The following ULK4 variants were observed in gnomAD, a reference collection of about 807,000 sequenced individuals.
ULK4 encodes inactive serine/threonine-protein kinase ULK4.
ULK4 carries 133 observed loss-of-function variants against 160.6 expected under a neutral mutation model. The observed-to-expected ratio is 0.83, with a 90% confidence interval of 0.72 to 0.96. ULK4 has a LOEUF of 0.96. Among genes scored for constraint, ULK4 ranks in the 40% least tolerant of loss-of-function variants. The pLI, the probability that ULK4 is intolerant of heterozygous loss-of-function variation, is 0.00. For missense variants in ULK4, 1,580 were observed against 1,499.5 expected (o/e 1.05, Z -0.89); for synonymous variants, 534 against 539.8 (o/e 0.99, Z 0.15).
At chr3:41,779,633 C>T (rs1232321027) in intron 21 of ULK4, among the ~76,000 whole-genome samples, 7 of 7,438 alleles carry the variant, frequency 9.4e-4, no homozygotes, top group Non-Finnish European at 1.5e-3. Flanking sequence ...GGCACATATA[C>T]ACCATGGAAT....
At chr3:41,378,605 GT>G (rs1332690646) in intron 35 of ULK4, among the ~76,000 whole-genome samples, 1 of 151,492 alleles carries the variant, frequency 6.6e-6, no homozygotes, top group Non-Finnish European at 1.5e-5. Flanking sequence ...ACACAGCAAG[GT>G]GAACATCATA....
chr3:41,886,934 A>C (rs1375117262), intron 16 of ULK4, among the ~76,000 whole-genome samples: 2 of 152,158 alleles, frequency 1.3e-5, no homozygotes, highest in Non-Finnish European at 2.9e-5. Context: ...GTAGTGGTAA[A>C]CTTCAATTTT....
At chr3:41,476,706 T>C (rs1353486496) in intron 32 of ULK4, among the ~76,000 whole-genome samples, 1 of 152,178 alleles carries the variant, frequency 6.6e-6, no homozygotes, top group Non-Finnish European at 1.5e-5. Flanking sequence ...CAGCTCTGCT[T>C]TGGACTACTG....
At chr3:41,961,148 C>T (rs1700651177) in intron 1 of ULK4, among the ~76,000 whole-genome samples, 1 of 152,184 alleles carries the variant, frequency 6.6e-6, no homozygotes, top group Admixed American at 6.5e-5. Flanking sequence ...GAGCAAATCA[C>T]ATACAGGTGC....
chr3:41,584,126 A>C (rs910100258), intron 31 of ULK4, among the ~76,000 whole-genome samples: 25 of 152,190 alleles, frequency 1.6e-4, no homozygotes, highest in African/African-American at 6.0e-4. Context: ...ATTTATAAAG[A>C]ATGGTATCAG....
chr3:41,438,320 T>C (rs1251627590), intron 34 of ULK4, among the ~76,000 whole-genome samples: 2 of 152,142 alleles, frequency 1.3e-5, no homozygotes, highest in Admixed American at 6.5e-5. Context: ...GTACATCTTA[T>C]TCATGGATCC....
intron 32 of ULK4, among the ~76,000 whole-genome samples, chr3:41,541,950 T>C (rs1380109111): frequency 6.6e-6 from 1 of 152,230 alleles, no homozygotes; most frequent in Admixed American, 6.5e-5. Context: ...TATACTATCA[T>C]GTCATCTGCA....
At chr3:41,266,661 G>T (rs2079039557) in intron 35 of ULK4, among the ~76,000 whole-genome samples, 1 of 152,176 alleles carries the variant, frequency 6.6e-6, no homozygotes, top group African/African-American at 2.4e-5. Context: ...TTTCAGTTGG[G>T]TTAGAGTGTA....
intron 27 of ULK4, among the ~76,000 whole-genome samples, chr3:41,685,039 T>A (rs1419911988): frequency 6.6e-6 from 1 of 151,970 alleles, no homozygotes; most frequent in Non-Finnish European, 1.5e-5. Flanking sequence ...TCACAATGGC[T>A]GCCTGGGTTC....
At chr3:41,750,928 T>G (rs2038600484) in intron 22 of ULK4, among the ~76,000 whole-genome samples, 1 of 148,152 alleles carries the variant, frequency 6.7e-6, no homozygotes, top group Non-Finnish European at 1.5e-5. Flanking sequence ...AGGCGGAGAT[T>G]GCAGTGAGCT....
intron 14 of ULK4, 145 bp downstream of exon 14, chr3:41,898,287 T>C: frequency 1.9e-6 from 1 of 533,328 alleles, no homozygotes; most frequent in South Asian, 3.2e-5. Flanking sequence ...TGTTTACAAT[T>C]CGTGTAACAC....
At chr3:41,618,681 T>G (rs2033097434) in intron 30 of ULK4, among the ~76,000 whole-genome samples, 1 of 151,986 alleles carries the variant, frequency 6.6e-6, no homozygotes, top group Non-Finnish European at 1.5e-5. Flanking sequence ...CACCAAAATA[T>G]AAAGACCAAT....
intron 32 of ULK4, among the ~76,000 whole-genome samples, chr3:41,548,561 TGCTA>T (rs1362602296): frequency 6.6e-6 from 1 of 152,064 alleles, no homozygotes; most frequent in Admixed American, 6.5e-5. Context: ...TCATTACCAC[TGCTA>T]GCATCAGCAT....
intron 31 of ULK4, among the ~76,000 whole-genome samples, chr3:41,595,143 T>C (rs895632248): frequency 6.6e-6 from 1 of 152,164 alleles, no homozygotes; most frequent in African/African-American, 2.4e-5. Flanking sequence ...GATGACACAC[T>C]CAAAAGGGTT....
At chr3:41,730,155 G>A (rs2037777033) in intron 22 of ULK4, among the ~76,000 whole-genome samples, 1 of 152,066 alleles carries the variant, frequency 6.6e-6, no homozygotes, top group South Asian at 2.1e-4. Context: ...GCACTTCTAA[G>A]AGGGAAGTTT....
chr3:41,653,019 GTGATGCTT>G (rs1396491639), intron 30 of ULK4, among the ~76,000 whole-genome samples: 2 of 152,164 alleles, frequency 1.3e-5, no homozygotes, highest in Admixed American at 6.5e-5. Context: ...CTCTGTATTT[GTGATGCTT>G]TGATATCCTG....
At chr3:41,931,652 G>T in intron 5 of ULK4, 192 bp downstream of exon 5, 2 of 631,458 alleles carry the variant, frequency 3.2e-6, no homozygotes, top group Non-Finnish European at 5.3e-6. Context: ...AGGCCTTACA[G>T]AGTAGATCCA....
chr3:41,610,870 C>G (rs1174477029), intron 31 of ULK4, among the ~76,000 whole-genome samples: 2 of 152,038 alleles, frequency 1.3e-5, no homozygotes, highest in Non-Finnish European at 2.9e-5. Context: ...CAGAGGTTAC[C>G]TATATTACTT....
intron 32 of ULK4, among the ~76,000 whole-genome samples, chr3:41,481,556 G>A (rs553683737): frequency 3.3e-5 from 5 of 152,112 alleles, no homozygotes; most frequent in Admixed American, 2.0e-4. Flanking sequence ...GGCCGGGCGC[G>A]GTGGCTCACG....
Sources: allele counts gnomAD v4.1 joint callset (sites outside exome capture counted in the v4.1 genomes callset), GRCh38; gene constraint gnomAD v4.1.1; transcripts MANE v1.5; gene names NCBI Gene and HGNC (gene_info 2026-07-23, HGNC 2026-07-21).